GFPT2: variants seen among roughly 807,000 people sequenced by gnomAD.
GFPT2 encodes glutamine--fructose-6-phosphate aminotransferase [isomerizing] 2.
Under a neutral mutation model 85.6 loss-of-function variants are expected in GFPT2, and 62 were observed. The ratio of observed to expected loss-of-function variants is 0.72; its 90% confidence interval spans 0.59 to 0.90. The LOEUF is 0.90. GFPT2 is among the 40% of genes least tolerant of loss of function. The probability of loss-of-function intolerance (pLI) is 0.00; values close to 1 mark genes in which losing one functional copy is unlikely to be tolerated. For synonymous variants in GFPT2, 368 were observed against 344.5 expected, an observed-to-expected ratio of 1.07 and a Z score of -0.75; for missense variants, 788 against 893.4, an observed-to-expected ratio of 0.88 and a Z score of 1.50.
intron 14 of GFPT2, among the ~76,000 whole-genome samples, chr5:180,312,768 CTATT>C (rs1477108887): frequency 2.0e-5 from 3 of 151,658 alleles, no homozygotes; most frequent in African/African-American, 4.8e-5. Context: ...TTTTATTTAT[CTATT>C]TATTTATTTC....
Position 180,313,820 on chromosome 5 carries a change from A to G in GFPT2, c.1418T>C (p.Val473Ala). 1 of 1,563,856 alleles carries G rather than the reference A, an allele frequency of 6.4e-7. No individual in the cohort carries two copies. The highest frequency in any genetic ancestry group is 2.4e-5 in the East Asian group (1 of 42,430). The change falls in exon 14 of 19, where the codon GTG becomes GCG. Residue 473 changes from valine to alanine, a missense_variant. Physicochemically the swap from Val to Ala is moderately conservative, Grantham distance 64. Transcript: ENST00000253778. ...GGCTCCTCCTACCTTGGTGCTGGCC[A>G]CGCCGATCTCCGGCCCTGCGTTGAT... ...VHINAGPEIG[V>A]ASTKAYTSQF...
intron 15 of GFPT2, among the ~76,000 whole-genome samples, chr5:180,307,534 A>G (rs1354473800): frequency 6.6e-6 from 1 of 152,208 alleles, no homozygotes; most frequent in Non-Finnish European, 1.5e-5. Context: ...GAGCACCAAC[A>G]AGGTAGGAAG....
chr5:180,345,928 T>A (rs1417333123), intron 1 of GFPT2, among the ~76,000 whole-genome samples: 1 of 151,996 alleles, frequency 6.6e-6, no homozygotes, highest in Non-Finnish European at 1.5e-5. Context: ...ACCAGAACTC[T>A]CGGTTAACCC....
At chr5:180,322,750 C>T (rs1006809775) in intron 9 of GFPT2, among the ~76,000 whole-genome samples, 1 of 151,730 alleles carries the variant, frequency 6.6e-6, no homozygotes, top group Admixed American at 6.6e-5. Flanking sequence ...AAAAAAGAAA[C>T]ATCTGGATGG....
chr5:180,328,193 G>T lies in GFPT2; in HGVS notation c.596+84C>A, dbSNP rs1173299851. On this transcript the variant is annotated intron_variant, in intron 7 of 18. Transcript: ENST00000253778. This position sits in a 1 kb window ranked among gnomAD's most constrained non-coding sequence, Gnocchi z 5.4. ...CACGAGCACCTTTCAGCGTGCCACA[G>T]GCCCTACCTCTCCCGTCTCCCTCCA... 5 of 1,043,652 alleles carry T rather than the reference G, an allele frequency of 4.8e-6. No homozygotes were observed. Among genetic ancestry groups the T allele is most frequent in the African/African-American group, 1.6e-5 (1 of 64,394 alleles). The allele number at this position is 1,043,652 out of a possible 1,614,324, so 64.6% of individuals were successfully genotyped here.
At chr5:180,332,020 T>A (rs1764311600) in intron 4 of GFPT2, among the ~76,000 whole-genome samples, 1 of 152,214 alleles carries the variant, frequency 6.6e-6, no homozygotes, top group Non-Finnish European at 1.5e-5. Flanking sequence ...TGTAAAAATA[T>A]TTGAGTTTTT....
rs548154593 is a variant in GFPT2, at chr5:180,352,058, G to A, written c.7+1153C>T. On this transcript the variant is annotated intron_variant, in intron 1 of 18. Coordinates refer to ENST00000253778, the MANE Select transcript of GFPT2 (RefSeq NM_005110.4). ...CATGGAGAATGGCGTCTGGGAGCAC[G>A]AGATTTTAGCTGAGGGTTCAGGAAT... 5.9e-5 allele frequency among the ~76,000 whole-genome samples: 9 copies of A among 152,308 alleles called. 1 individual carries two copies. In the South Asian group the frequency reaches 1.7e-3, roughly 28 times the overall value.
chr5:180,353,285 G>A lies in GFPT2; in HGVS notation c.-68C>T, dbSNP rs991216115. ...CCCGTTCGGACGCTGGGGCTCCTCC[G>A]TGGGCTCCTCCGTGGGCTCCGTGGG... is the stretch of plus-strand genomic sequence containing the variant. On this transcript the variant is annotated 5_prime_UTR_variant, in exon 1 of 19. It adds an upstream start codon to the 5' untranslated region. Transcript: ENST00000253778. The A allele has an allele frequency of 9.2e-6, 11 of 1,197,880 alleles. No individual in the cohort carries two copies. Among genetic ancestry groups the A allele is most frequent in the African/African-American group, 4.9e-5 (3 of 60,874 alleles). The allele number at this position is 1,197,880 out of a possible 1,614,324, so 74.2% of individuals were successfully genotyped here.
At chr5:180,346,774 C>T (rs1318880929) in intron 1 of GFPT2, among the ~76,000 whole-genome samples, 1 of 152,230 alleles carries the variant, frequency 6.6e-6, no homozygotes, top group Admixed American at 6.5e-5. Context: ...CTTTCCGTCC[C>T]CTTTTCAAGG....
At chr5:180,336,134 C>T (rs781091903) in intron 3 of GFPT2, 181 bp from the exon 4 acceptor site, 11 of 589,770 alleles carry the variant, frequency 1.9e-5, no homozygotes, top group Non-Finnish European at 3.0e-5. Context: ...TTATTTACTA[C>T]TTGTCTGTAG....
intron 1 of GFPT2, among the ~76,000 whole-genome samples, chr5:180,345,633 T>A (rs980995251): frequency 1.3e-5 from 2 of 152,220 alleles, no homozygotes; most frequent in African/African-American, 4.8e-5. Context: ...CCCCGCTGGA[T>A]TGTAACCTTC....
At chr5:180,305,048 A>G (rs1224066508) in intron 16 of GFPT2, 109 bp from the exon 17 acceptor site, 5 of 794,566 alleles carry the variant, frequency 6.3e-6, no homozygotes, top group Middle Eastern at 3.0e-4. Flanking sequence ...GAAGGCAGAG[A>G]GCCAAGGGTT....
At chr5:180,321,449 A>C (rs948569437) in intron 9 of GFPT2, among the ~76,000 whole-genome samples, 1 of 152,268 alleles carries the variant, frequency 6.6e-6, no homozygotes, top group Non-Finnish European at 1.5e-5. Context: ...GTCACTTGCC[A>C]GACCTGTGCC....
At chr5:180,333,373 C>A (rs543078745) in intron 4 of GFPT2, among the ~76,000 whole-genome samples, 30 of 152,090 alleles carry the variant, frequency 2.0e-4, no homozygotes, top group Admixed American at 1.2e-3. Context: ...TAGCTGGGAC[C>A]ACAGGCACCC....
intron 14 of GFPT2, among the ~76,000 whole-genome samples, chr5:180,312,884 C>A (rs1245455632): frequency 6.6e-6 from 1 of 152,222 alleles, no homozygotes; most frequent in Non-Finnish European, 1.5e-5. Flanking sequence ...TCAAGCGATT[C>A]TCCTGCCTCA....
intron 13 of GFPT2, 102 bp from the exon 14 acceptor site, chr5:180,314,066 C>CG: frequency 1.2e-5 from 14 of 1,164,888 alleles, no homozygotes; most frequent in Non-Finnish European, 1.6e-5. Context: ...AATCGGCGCC[C>CG]GAGACACAGC....
At chr5:180,342,280 A>C (rs1764531406) in intron 1 of GFPT2, among the ~76,000 whole-genome samples, 1 of 152,206 alleles carries the variant, frequency 6.6e-6, no homozygotes, top group Admixed American at 6.5e-5. Context: ...ATGTCAATTA[A>C]AAAATTTTAA....
At chr5:180,314,058 T>G in intron 13 of GFPT2, 94 bp from the exon 14 acceptor site, 1 of 1,292,560 alleles carries the variant, frequency 7.7e-7, no homozygotes, top group Non-Finnish European at 1.0e-6. Flanking sequence ...TACAGGGAAA[T>G]CGGCGCCCGA....
chr5:180,316,279 G>C (rs1764007454), intron 13 of GFPT2, 62 bp downstream of exon 13: 3 of 1,567,032 alleles, frequency 1.9e-6, no homozygotes, highest in Non-Finnish European at 2.6e-6. Context: ...GAATGAAGGA[G>C]AAGAGGAGAG....
Sources: allele counts gnomAD v4.1 joint callset (sites outside exome capture counted in the v4.1 genomes callset), GRCh38; gene constraint gnomAD v4.1.1; non-coding constraint Gnocchi (gnomAD v3.1); transcripts MANE v1.5; gene names NCBI Gene and HGNC (gene_info 2026-07-23, HGNC 2026-07-21).